The following AGAP5 variants were observed in gnomAD, a reference collection of about 807,000 sequenced individuals.
AGAP5 encodes ArfGAP with GTPase domain, ankyrin repeat and PH domain 5.
A neutral mutation model predicts 27.7 loss-of-function variants in AGAP5; 8 were observed. The observed-to-expected ratio is 0.29, with a 90% CI of 0.17 to 0.52. The LOEUF is 0.52. Among genes scored for constraint, AGAP5 ranks in the 20% least tolerant of loss-of-function variants. AGAP5 has a pLI of 0.97. For missense variants in AGAP5, 285 were observed against 880.8 expected (o/e 0.32, Z 8.56); for synonymous variants, 111 against 338.0 (o/e 0.33, Z 7.37).
At chr10:73,676,176 G>A (rs1158262001) in intron 7 of AGAP5, 102 bp from the exon 8 acceptor site, 5 of 1,569,766 alleles carry the variant, frequency 3.2e-6, no homozygotes, top group Non-Finnish European at 3.5e-6. Context: ...CATTTTCTGG[G>A]CCAGGCATGG....
intron 7 of AGAP5, among the ~76,000 whole-genome samples, chr10:73,676,291 C>CAAAAA (rs371426814): frequency 1.4e-4 from 10 of 71,762 alleles, no homozygotes; most frequent in Admixed American, 3.0e-4. Flanking sequence ...CCTGTCTTTA[C>CAAAAA]AAAAAAAAAA....
In AGAP5 at chr10:73,675,184, C is replaced by T. The variant is rs2081967112; in HGVS notation, c.1476G>A (p.Leu492=). Residue 492 remains leucine, a synonymous_variant, in exon 8 of 8, where the codon TTG becomes TTA. Transcript: ENST00000374094. The part of the protein sequence containing the change: ...YETQNPKWAS[L]NLGVLMCIEC... Reference sequence around the variant, plus strand: ...CAATACACATGAGGACTCCCAAGTTCAAACTGGCCCACTTAGGATTCTGGG... The same window carrying T: ...CAATACACATGAGGACTCCCAAGTTTAAACTGGCCCACTTAGGATTCTGGG... The T allele has an allele frequency of 2.5e-6, 4 of 1,599,292 alleles. No homozygotes were observed. The East Asian group carries it at 8.9e-5, about 36-fold the overall frequency.
At chr10:73,694,056 A>G (rs2082140762) in intron 3 of AGAP5, among the ~76,000 whole-genome samples, 1 of 152,242 alleles carries the variant, frequency 6.6e-6, no homozygotes, top group African/African-American at 2.4e-5. Context: ...GCATATTATT[A>G]TAGAACCCTC....
intron 4 of AGAP5, among the ~76,000 whole-genome samples, chr10:73,688,874 A>G (rs2082086438): frequency 6.6e-6 from 1 of 152,208 alleles, no homozygotes; most frequent in South Asian, 2.1e-4. Flanking sequence ...TAAATAACGT[A>G]TCACACACTG....
chr10:73,676,447 T>C (rs1291514974), intron 7 of AGAP5, among the ~76,000 whole-genome samples: 1 of 142,922 alleles, frequency 7.0e-6, no homozygotes, highest in Non-Finnish European at 1.5e-5. Context: ...GATCGCGCGA[T>C]TGCACTCCAG....
intron 4 of AGAP5, among the ~76,000 whole-genome samples, chr10:73,689,683 T>C (rs1461205584): frequency 1.0e-4 from 14 of 133,884 alleles, no homozygotes; most frequent in African/African-American, 4.0e-4. Context: ...GGCCGCCCCG[T>C]CTGAGAAGTG....
intron 4 of AGAP5, among the ~76,000 whole-genome samples, chr10:73,689,000 G>A (rs1020306768): frequency 1.3e-5 from 2 of 151,918 alleles, no homozygotes; most frequent in East Asian, 1.9e-4. Context: ...CTCCGCCTCC[G>A]CCTCCGCCTC....
chr10:73,694,433 A>G (rs1179245757), intron 3 of AGAP5, among the ~76,000 whole-genome samples: 1 of 152,192 alleles, frequency 6.6e-6, no homozygotes, highest in Non-Finnish European at 1.5e-5. Context: ...ATAAAGATAA[A>G]TCCATTAATT....
chr10:73,697,944 T>C lies in AGAP5; in HGVS notation c.-189A>G, dbSNP rs1357267301. 6.6e-7 allele frequency: 1 copy of C among 1,518,870 alleles called. No homozygotes were observed. The highest frequency in any genetic ancestry group is 8.8e-7 in the Non-Finnish European group (1 of 1,138,240). 94.1% of individuals were successfully genotyped at this position (1,518,870 alleles called of 1,614,324 possible). A position where few individuals can be genotyped will look rare whatever the true frequency, so the allele number is the denominator to read the frequency against. ...CCCCGGCCCCGGCTAGGGCTGCGGG[T>C]CAAGGCCCACACCCTGCTGCCTCCC... On this transcript the variant is annotated 5_prime_UTR_variant, in exon 1 of 8. Transcript: ENST00000374094.
rs1330255388 is a variant in AGAP5 at position 73,675,137 on chromosome 10, C to G, written c.1523G>C (p.Ser508Thr). The change falls in exon 8 of 8, where the codon AGT (serine) becomes ACT (threonine). Residue 508 changes from serine (S) to threonine (T), a missense_variant. Transcript: ENST00000374094. The part of the protein sequence containing the change: ...MCIECSGIHR[S>T]LGTRLSRVRS... ...CACACGGGAAAGGCGGGTGCCAAGA[C>G]TGCGGTGGATTCCTGAGCATTCAAT... 3 of 1,610,224 alleles carry G rather than the reference C, an allele frequency of 1.9e-6. No individual in the cohort carries two copies. In the East Asian group the frequency reaches 6.7e-5, roughly 36 times the overall value.
intron 3 of AGAP5, among the ~76,000 whole-genome samples, chr10:73,694,389 T>G (rs1390826430): frequency 6.6e-6 from 1 of 152,096 alleles, no homozygotes; most frequent in Non-Finnish European, 1.5e-5. Flanking sequence ...ATCTTTAAAG[T>G]GTACTTTTTG....
chr10:73,696,282 T>TCACG (rs1453991048), intron 2 of AGAP5, among the ~76,000 whole-genome samples: 3 of 152,182 alleles, frequency 2.0e-5, no homozygotes, highest in African/African-American at 7.2e-5. Flanking sequence ...CCTCCCAAAG[T>TCACG]GCTGGGATTA....
rs571578256 is a variant in AGAP5 at position 73,689,429 on chromosome 10, C to T, written c.396+2614G>A. 3.0e-3 allele frequency among the ~76,000 whole-genome samples: 299 copies of T among 99,524 alleles called. 1 individual carries two copies. Among genetic ancestry groups the T allele is most frequent in the Admixed American group, 0.025 (199 of 7,938 alleles). The allele number at this position is 99,524 out of a possible 152,430, so 65.3% of individuals were successfully genotyped here. ...GCCACCCCGTCTGGGAAGTGAGGAG[C>T]GTCTCTGCCTGGCCGCCCCATCGTC... On this transcript the variant is annotated intron_variant, in intron 4 of 7. Transcript: ENST00000374094.
chr10:73,690,121 T>C (rs1315068532), intron 4 of AGAP5, among the ~76,000 whole-genome samples: 5 of 152,188 alleles, frequency 3.3e-5, no homozygotes, highest in African/African-American at 9.6e-5. Flanking sequence ...CATCAGCTCA[T>C]TGAGAACGGG....
rs1238368005 is a variant in AGAP5, at chr10:73,694,877, T to G, written c.293-73A>C. On this transcript the variant is annotated intron_variant, in intron 2 of 7. Transcript: ENST00000374094. ...AAATTTATCAACTCGTTTATTCAAC[T>G]GCTGCATTTAGGCTATTTCACTATC... 3.8e-6 allele frequency: 6 copies of G among 1,596,716 alleles called. No individual in the cohort carries two copies. The Admixed American group carries it at 1.0e-4, about 27-fold the overall frequency.
chr10:73,689,256 C>G (rs945259529), intron 4 of AGAP5, among the ~76,000 whole-genome samples: 3 of 152,252 alleles, frequency 2.0e-5, no homozygotes, highest in Middle Eastern at 3.2e-3. Flanking sequence ...CCCGAGGTGC[C>G]GGGATTGCAG....
chr10:73,675,577 A>G lies in AGAP5; in HGVS notation c.1083T>C (p.Asn361=), dbSNP rs900387849. The change falls in exon 8 of 8, where the codon AAT becomes AAC. Residue 361 remains asparagine (N), a synonymous_variant. Transcript: ENST00000374094. ...CGGTGTCCATGTCCTTGGATAGGCC[A>G]TTGCTTTTAGAGCTGGAGATGGGTG... is the stretch of plus-strand genomic sequence containing the variant. ...ACAPISSSKS[N]GLSKDMDTGL... The G allele has an allele frequency of 1.9e-6, 3 of 1,614,144 alleles. No individual in the cohort carries two copies. In the African/African-American group the frequency reaches 4.0e-5, roughly 22 times the overall value.
intron 4 of AGAP5, among the ~76,000 whole-genome samples, chr10:73,687,370 C>A (rs1253171898): frequency 6.6e-6 from 1 of 152,238 alleles, no homozygotes; most frequent in African/African-American, 2.4e-5. Context: ...TCCTCTGCCT[C>A]AGCCTCCTGA....
At chr10:73,676,147 A>G in intron 7 of AGAP5, 73 bp from the exon 8 acceptor site, 1 of 1,606,924 alleles carries the variant, frequency 6.2e-7, no homozygotes, top group Non-Finnish European at 8.5e-7. Context: ...ACAGCTTACA[A>G]TTACCTTTTA....
Sources: allele counts gnomAD v4.1 joint callset (sites outside exome capture counted in the v4.1 genomes callset), GRCh38; gene constraint gnomAD v4.1.1; transcripts MANE v1.5; gene names NCBI Gene and HGNC (gene_info 2026-07-23, HGNC 2026-07-21).